Variants in CDC14A observed in about 807,000 individuals in gnomAD.
CDC14A encodes cell division cycle 14A.
Under a neutral mutation model 74.4 loss-of-function variants are expected in CDC14A, and 53 were observed. That is an observed-to-expected ratio of 0.71 (90% CI 0.57 to 0.89). The LOEUF (loss-of-function observed/expected upper bound fraction) is 0.89. Ranked by LOEUF, CDC14A falls within the 40% of genes least tolerant of loss-of-function variation. The probability of loss-of-function intolerance (pLI) is 0.00; values close to 1 mark genes in which losing one functional copy is unlikely to be tolerated. For synonymous variants in CDC14A, 247 were observed against 258.4 expected (o/e 0.96, Z 0.43); for missense variants, 646 against 713.7 (o/e 0.91, Z 1.08).
chr1:100,482,443 C>T lies in CDC14A; in HGVS notation c.978-1849C>T, dbSNP rs79907467. Among the ~76,000 whole-genome samples, 1,468 of 152,222 alleles carry T rather than the reference C, an allele frequency of 9.6e-3. 45 individuals are homozygous for T. Among genetic ancestry groups the T allele is most frequent in the East Asian group, 0.056 (291 of 5,176 alleles). On this transcript the variant is annotated intron_variant, in intron 10 of 15. Coordinates refer to ENST00000336454, the MANE Select transcript of CDC14A (RefSeq NM_003672.4). ...ACATTGTTTTCTTTGCTTGGCAATA[C>T]TCTTAGCTGGGTAAGTCCTGCTCAT... is the stretch of plus-strand genomic sequence containing the variant.
At chr1:100,376,305 A>T (rs1191527679) in intron 2 of CDC14A, among the ~76,000 whole-genome samples, 1 of 152,206 alleles carries the variant, frequency 6.6e-6, no homozygotes, top group Admixed American at 6.5e-5. Flanking sequence ...GTATATATAT[A>T]TATATAAAGT....
At chr1:100,460,993 C>A (rs143574331) in intron 8 of CDC14A, among the ~76,000 whole-genome samples, 1 of 152,168 alleles carries the variant, frequency 6.6e-6, no homozygotes, top group Non-Finnish European at 1.5e-5. Flanking sequence ...AAAATGGGAA[C>A]CACACTAGGC....
At chr1:100,417,290 C>T (rs1371103816) in intron 4 of CDC14A, among the ~76,000 whole-genome samples, 19 of 152,186 alleles carry the variant, frequency 1.2e-4, no homozygotes, top group Non-Finnish European at 2.9e-5. Context: ...CCATTCCCAG[C>T]CCCCTTTAGA....
intron 4 of CDC14A, among the ~76,000 whole-genome samples, chr1:100,418,681 A>T (rs1157807173): frequency 6.6e-6 from 1 of 152,178 alleles, no homozygotes; most frequent in African/African-American, 2.4e-5. Context: ...AAATAACGTG[A>T]TGATGATTGT....
chr1:100,442,392 T>TATATATATATATA (rs1665050038), intron 6 of CDC14A, among the ~76,000 whole-genome samples: 1 of 146,730 alleles, frequency 6.8e-6, no homozygotes, highest in Non-Finnish European at 1.5e-5. Flanking sequence ...CTATATATTA[T>TATATATATATATA]ATATAAATAT....
chr1:100,397,851 C>T lies in CDC14A; in HGVS notation c.309+7027C>T, dbSNP rs374754970. ...GATGTCATGTCTGAATTGGGAATAACAAGCCTGAGGTTTTTAGACTGTCTA... is the reference window on the plus strand; with the variant it reads ...GATGTCATGTCTGAATTGGGAATAATAAGCCTGAGGTTTTTAGACTGTCTA... On this transcript the variant is annotated intron_variant, in intron 4 of 15. Transcript: ENST00000336454. Among the ~76,000 whole-genome samples, 6 of 152,312 alleles carry T rather than the reference C, an allele frequency of 3.9e-5. No homozygotes were observed. The South Asian group carries it at 6.2e-4, about 16-fold the overall frequency.
At chr1:100,500,743 CAAAAAAAAAAAAAAA>C (rs67947647) in intron 15 of CDC14A, among the ~76,000 whole-genome samples, 7 of 53,824 alleles carry the variant, frequency 1.3e-4, no homozygotes, top group African/African-American at 3.8e-4. Context: ...GAGCCACTCT[CAAAAAAAAAAAAAAA>C]AAAAAAAAAA....
intron 3 of CDC14A, among the ~76,000 whole-genome samples, chr1:100,389,383 C>T (rs935870086): frequency 4.7e-5 from 7 of 147,578 alleles, no homozygotes; most frequent in Non-Finnish European, 8.9e-5. Context: ...ACCTGGGAGG[C>T]GGAGGTTGCA....
At chr1:100,459,703 G>GCAC (rs1362374061) in intron 8 of CDC14A, among the ~76,000 whole-genome samples, 3 of 152,104 alleles carry the variant, frequency 2.0e-5, no homozygotes, top group African/African-American at 4.8e-5. Flanking sequence ...TGATGCCAGC[G>GCAC]CACCATCTTG....
At chr1:100,439,503 T>G (rs937809059) in intron 5 of CDC14A, among the ~76,000 whole-genome samples, 4 of 152,216 alleles carry the variant, frequency 2.6e-5, no homozygotes, top group African/African-American at 9.6e-5. Flanking sequence ...ATTTATGAAG[T>G]GCTTCCTATG....
intron 10 of CDC14A, among the ~76,000 whole-genome samples, chr1:100,480,184 C>T (rs922929717): frequency 1.3e-5 from 2 of 152,174 alleles, no homozygotes; most frequent in Non-Finnish European, 2.9e-5. Context: ...CTGGAAACCT[C>T]TATTCTACTT....
At chr1:100,349,757 G>A (rs745927260), upstream of CDC14A, among the ~76,000 whole-genome samples, 57 of 152,018 alleles carry the variant, frequency 3.7e-4, no homozygotes, top group Non-Finnish European at 6.3e-4. Context: ...TCTGCCTCCC[G>A]GTTCAAGCCA....
In CDC14A at chr1:100,438,422, C is replaced by T. The variant is rs1419318414; in HGVS notation, c.390-1510C>T. 3.9e-5 allele frequency among the ~76,000 whole-genome samples: 6 copies of T among 152,242 alleles called. No individual in the cohort carries two copies. The South Asian group carries it at 8.3e-4, about 21-fold the overall frequency. On this transcript the variant is annotated intron_variant, in intron 5 of 15. Transcript: ENST00000336454. ...TCTGAACCCCAAAGACAAGTGTCTGCAAAGGAATTTATGGTTGTTTATATA... is the reference window on the plus strand; with the variant it reads ...TCTGAACCCCAAAGACAAGTGTCTGTAAAGGAATTTATGGTTGTTTATATA...
intron 2 of CDC14A, among the ~76,000 whole-genome samples, chr1:100,371,660 G>A (rs1331470838): frequency 6.6e-6 from 1 of 152,156 alleles, no homozygotes; most frequent in Non-Finnish European, 1.5e-5. Context: ...ACTTCATCGT[G>A]ATGCATAAAC....
intron 9 of CDC14A, among the ~76,000 whole-genome samples, chr1:100,467,637 C>A (rs1048485996): frequency 6.6e-6 from 1 of 152,128 alleles, no homozygotes; most frequent in African/African-American, 2.4e-5. Flanking sequence ...GCCACCCTTG[C>A]TTCCCTGCCC....
At chr1:100,348,338 T>C (rs1034559171), upstream of CDC14A, among the ~76,000 whole-genome samples, 1 of 151,986 alleles carries the variant, frequency 6.6e-6, no homozygotes, top group Non-Finnish European at 1.5e-5. Flanking sequence ...ATGATAAAAT[T>C]TAATTCTTTT....
intron 15 of CDC14A, among the ~76,000 whole-genome samples, chr1:100,506,916 C>G (rs886135396): frequency 1.3e-5 from 2 of 152,196 alleles, no homozygotes; most frequent in African/African-American, 4.8e-5. Context: ...ATGGCTCACA[C>G]TATAATCCTA....
At chr1:100,389,479 A>C (rs533593774) in intron 3 of CDC14A, among the ~76,000 whole-genome samples, 1 of 144,024 alleles carries the variant, frequency 6.9e-6, no homozygotes, top group Admixed American at 6.7e-5. Flanking sequence ...ATATATGTGT[A>C]TATATATATA....
chr1:100,380,732 C>T (rs1338020064), intron 3 of CDC14A, among the ~76,000 whole-genome samples: 2 of 152,192 alleles, frequency 1.3e-5, no homozygotes, highest in Non-Finnish European at 2.9e-5. Context: ...CCAGCTCTCA[C>T]CCTTGTTGTT....
Sources: gnomAD v4.1 joint callset for allele counts (sites outside exome capture counted in the v4.1 genomes callset) on GRCh38, gnomAD v4.1.1 for gene constraint, MANE v1.5 for transcripts, NCBI Gene and HGNC (gene_info 2026-07-23, HGNC 2026-07-21) for gene names.